Variants in CALU observed in about 807,000 individuals in gnomAD.
The protein encoded by CALU is IEF SSP 9302.
In CALU, 13 loss-of-function variants were observed where a neutral mutation model predicts 37.5. The observed-to-expected ratio is 0.35, with a 90% confidence interval of 0.23 to 0.55. The LOEUF (loss-of-function observed/expected upper bound fraction) is 0.55, where lower values mean the gene tolerates loss of function less well. CALU is among the 20% of genes least tolerant of loss of function. The pLI, the probability that CALU is intolerant of heterozygous loss-of-function variation, is 0.89. For missense variants in CALU, 282 were observed against 391.7 expected (o/e 0.72, Z 2.36); for synonymous variants, 114 against 133.8 (o/e 0.85, Z 1.02).
chr7:128,748,793 G>A lies in CALU; in HGVS notation c.210G>A (p.Lys70=), dbSNP rs1166025007. 6.2e-7 allele frequency: 1 copy of A among 1,613,406 alleles called. No homozygotes were observed. The highest frequency in any genetic ancestry group is 8.5e-7 in the Non-Finnish European group (1 of 1,179,350). ...ATCAGCTGACACCAGAAGAGAGCAAGGAAAGGCTTGGGTAAGGTACCACCT... is the reference window on the plus strand; with the variant it reads ...ATCAGCTGACACCAGAAGAGAGCAAAGAAAGGCTTGGGTAAGGTACCACCT... The part of the protein sequence containing the change: ...TFDQLTPEES[K]ERLGKIVSKI... The change falls in exon 2 of 7, where the codon AAG becomes AAA. Residue 70 remains lysine (K), a synonymous_variant. Coordinates refer to ENST00000249364, the MANE Select transcript of CALU (RefSeq NM_001219.5).
In CALU at chr7:128,768,847, C is replaced by CAAAAAAAAAAAAAAAAAAAAAAAA. The variant is rs1012831963; in HGVS notation, c.844-195_844-194insAAAAAAAAAAAAAAAAAAAAAAAA. 1.3e-3 allele frequency among the ~76,000 whole-genome samples: 71 copies of CAAAAAAAAAAAAAAAAAAAAAAAA among 55,158 alleles called. 8 individuals are homozygous for CAAAAAAAAAAAAAAAAAAAAAAAA. The highest frequency in any genetic ancestry group is 2.6e-3 in the South Asian group (4 of 1,534). The allele number at this position is 55,158 out of a possible 152,430, so 36.2% of individuals were successfully genotyped here. ...GGGCAACAAGAGCGAAACTCCGTCT[C>CAAAAAAAAAAAAAAAAAAAAAAAA]AAAAAAAAAAAAAAAAAAAAACAAG... On this transcript the variant is annotated intron_variant, in intron 6 of 6. Coordinates refer to ENST00000249364, the MANE Select transcript of CALU (RefSeq NM_001219.5).
chr7:128,772,569 C>G lies in CALU; in HGVS notation c.*3402C>G, dbSNP rs1303243754. The G allele has an allele frequency of 6.2e-7, 1 of 1,614,174 alleles. No homozygotes were observed. The highest frequency in any genetic ancestry group is 1.1e-5 in the South Asian group (1 of 91,086). On this transcript the variant is annotated 3_prime_UTR_variant, in exon 7 of 7. Coordinates refer to ENST00000249364, the MANE Select transcript of CALU (RefSeq NM_001219.5). ...TTGGGGCCAACTTGGGTAGACGAGA[C>G]AGTAGAAACTTCTGTTTTCTGGGAG...
At chr7:128,764,133 A>G (rs1334040605) in intron 5 of CALU, among the ~76,000 whole-genome samples, 1 of 152,188 alleles carries the variant, frequency 6.6e-6, no homozygotes, top group East Asian at 1.9e-4. Flanking sequence ...GTTGTAAAGA[A>G]TAGTCTCTGT....
chr7:128,754,251 A>G lies in CALU; in HGVS notation c.222-11A>G, dbSNP rs752084720. 1 of 1,599,784 alleles carries G rather than the reference A, an allele frequency of 6.3e-7. No individual in the cohort carries two copies. Among genetic ancestry groups the G allele is most frequent in the Non-Finnish European group, 8.5e-7 (1 of 1,172,190 alleles). ...TTAACCTTTTGCTGGATTTCTCTGC[A>G]TTTTCTACAGAAAGATTGTAAGTAA... On this transcript the variant is annotated splice_polypyrimidine_tract_variant and intron_variant, in intron 2 of 6. Transcript: ENST00000249364.
intron 2 of CALU, 34 bp from the exon 3 acceptor site, chr7:128,754,228 A>T (rs1484275073): frequency 6.5e-7 from 1 of 1,537,854 alleles, no homozygotes; most frequent in Non-Finnish European, 8.9e-7. Context: ...GTGTCTTTTT[A>T]ACCTTTTGCT....
At chr7:128,759,351 T>C (rs1585013792) in intron 4 of CALU, among the ~76,000 whole-genome samples, 1 of 152,324 alleles carries the variant, frequency 6.6e-6, no homozygotes, top group Non-Finnish European at 1.5e-5. Flanking sequence ...AAATATCCCA[T>C]GACCAATAGT....
intron 1 of CALU, chr7:128,748,341 C>T: frequency 6.7e-7 from 1 of 1,487,458 alleles, no homozygotes. Flanking sequence ...AGTTTCTTAT[C>T]AGCCTACAAT....
intron 2 of CALU, among the ~76,000 whole-genome samples, chr7:128,750,557 A>G (rs1208484454): frequency 1.3e-5 from 2 of 152,232 alleles, no homozygotes; most frequent in South Asian, 2.1e-4. Flanking sequence ...CATGTTTTTT[A>G]TGGAATGTAT....
Position 128,768,912 on chromosome 7 carries a change from G to C in CALU, c.844-151G>C, listed in dbSNP as rs1353615770. The C allele has an allele frequency of 6.4e-6, 3 of 467,390 alleles. No individual in the cohort carries two copies. The East Asian group carries it at 1.1e-4, about 17-fold the overall frequency. 29.0% of individuals were successfully genotyped at this position (467,390 alleles called of 1,614,324 possible). On this transcript the variant is annotated intron_variant, in intron 6 of 6. Transcript: ENST00000249364. ...TGTTTTCTTCCCTCTTCGTATGTATGTAGGGGGAATGAGGGCTGAGTAGTT... is the reference window on the plus strand; with the variant it reads ...TGTTTTCTTCCCTCTTCGTATGTATCTAGGGGGAATGAGGGCTGAGTAGTT...
chr7:128,767,393 T>G (rs1435166134), intron 5 of CALU, 63 bp from the exon 6 acceptor site: 9 of 1,271,812 alleles, frequency 7.1e-6, no homozygotes, highest in South Asian at 2.4e-5. Context: ...TAGGCCAGAT[T>G]AGCATGAGGC....
chr7:128,754,240 G>T, intron 2 of CALU, 22 bp from the exon 3 acceptor site: 2 of 1,585,292 alleles, frequency 1.3e-6, no homozygotes, highest in Non-Finnish European at 1.7e-6. Flanking sequence ...CCTTTTGCTG[G>T]ATTTCTCTGC....
At chr7:128,742,049 G>T (rs1206651589) in intron 1 of CALU, among the ~76,000 whole-genome samples, 1 of 152,182 alleles carries the variant, frequency 6.6e-6, no homozygotes, top group Non-Finnish European at 1.5e-5. Flanking sequence ...AATATAATTA[G>T]AATGTATTGA....
intron 1 of CALU, among the ~76,000 whole-genome samples, chr7:128,746,838 G>A (rs1182279302): frequency 7.1e-6 from 1 of 140,680 alleles, no homozygotes; most frequent in Admixed American, 7.6e-5. Context: ...GTGCTATCTC[G>A]GCTCACTGCA....
At chr7:128,754,181 T>C (rs1800779404) in intron 2 of CALU, 81 bp from the exon 3 acceptor site, 8 of 1,085,660 alleles carry the variant, frequency 7.4e-6, no homozygotes, top group African/African-American at 1.6e-5. Flanking sequence ...TTCTGTGCAT[T>C]AGCCCTGGGC....
At chr7:128,740,114 A>G (rs1800176562) in intron 1 of CALU, among the ~76,000 whole-genome samples, 1 of 152,192 alleles carries the variant, frequency 6.6e-6, no homozygotes, top group Non-Finnish European at 1.5e-5. Context: ...CTAGCCCCAT[A>G]TCCTACTGAT....
chr7:128,748,404 T>G, intron 1 of CALU, 169 bp from the exon 2 acceptor site: 2 of 1,412,276 alleles, frequency 1.4e-6, no homozygotes, highest in Non-Finnish European at 1.9e-6. Flanking sequence ...AAGAGTCTGA[T>G]ATTCCACCAT....
At position 128,772,631 on chromosome 7, in the gene CALU, C is replaced by G. The variant is rs1455912387; in HGVS notation, c.*3464C>G. 2 of 1,614,002 alleles carry G rather than the reference C, an allele frequency of 1.2e-6. No individual in the cohort carries two copies. The highest frequency in any genetic ancestry group is 1.7e-5 in the Admixed American group (1 of 59,992). Reference sequence around the variant, plus strand: ...GGATTCATCTGTCATGGCCTTCCCACACACCATCTTCATGATGCAAGCTTG... The same window carrying G: ...GGATTCATCTGTCATGGCCTTCCCAGACACCATCTTCATGATGCAAGCTTG... On this transcript the variant is annotated 3_prime_UTR_variant, in exon 7 of 7. Transcript: ENST00000249364.
chr7:128,751,263 G>C (rs1012907741), intron 2 of CALU, among the ~76,000 whole-genome samples: 2 of 148,284 alleles, frequency 1.3e-5, no homozygotes, highest in African/African-American at 2.5e-5. Context: ...ACTCCAGCCT[G>C]GCAACAAAGT....
In CALU at chr7:128,758,983, C is replaced by A; in HGVS notation, c.528C>A (p.Phe176Leu). 6.2e-7 allele frequency: 1 copy of A among 1,613,954 alleles called. No individual in the cohort carries two copies. Among genetic ancestry groups the A allele is most frequent in the South Asian group, 1.1e-5 (1 of 91,064 alleles). The change falls in exon 4 of 7, where the codon TTC (phenylalanine) becomes TTA (leucine). Residue 176 changes from phenylalanine (F) to leucine (L), a missense_variant. Coordinates refer to ENST00000249364, the MANE Select transcript of CALU (RefSeq NM_001219.5). Reference sequence around the variant, plus strand: ...ACCTCATTGCCACCAAGGAGGAGTTCACAGCTTTCCTGCACCCTGAGGAGT... The same window carrying A: ...ACCTCATTGCCACCAAGGAGGAGTTAACAGCTTTCCTGCACCCTGAGGAGT... ...DGDLIATKEE[F>L]TAFLHPEEYD...
Sources: allele counts gnomAD v4.1 joint callset (sites outside exome capture counted in the v4.1 genomes callset), GRCh38; gene constraint gnomAD v4.1.1; transcripts MANE v1.5; gene names NCBI Gene and HGNC (gene_info 2026-07-23, HGNC 2026-07-21).